The following GRK5 variants were observed in gnomAD, a reference collection of about 807,000 sequenced individuals.
GRK5 encodes the protein g protein-coupled receptor kinase GRK5.
Under a neutral mutation model 78.4 loss-of-function variants are expected in GRK5, and 40 were observed. The observed-to-expected ratio is 0.51, with a 90% CI of 0.40 to 0.66. GRK5 has a LOEUF of 0.66. GRK5 is among the 30% of genes least tolerant of loss of function. The probability of loss-of-function intolerance (pLI) is 0.00; values close to 1 mark genes in which losing one functional copy is unlikely to be tolerated. For synonymous variants in GRK5, 289 were observed against 296.8 expected (o/e 0.97, Z 0.27); for missense variants, 598 against 759.9 (o/e 0.79, Z 2.50).
At chr10:119,434,260 CA>C (rs1564933664) in intron 8 of GRK5, among the ~76,000 whole-genome samples, 1 of 152,192 alleles carries the variant, frequency 6.6e-6, no homozygotes, top group Non-Finnish European at 1.5e-5. Context: ...CCTCACATTT[CA>C]AAACCAATCA....
chr10:119,430,925 C>T lies in GRK5; in HGVS notation c.598-462C>T, dbSNP rs536625934. ...TGGTTAGGTGACCCAGCCAAGGGCG[C>T]GCAGACAATGTGAGGCAGAGCTAAG... On this transcript the variant is annotated intron_variant, in intron 7 of 15. Transcript: ENST00000392870. This position sits in a 1 kb window ranked among gnomAD's most constrained non-coding sequence, Gnocchi z 4.5. 2.0e-4 allele frequency among the ~76,000 whole-genome samples: 31 copies of T among 152,296 alleles called. No individual in the cohort carries two copies. Among genetic ancestry groups the T allele is most frequent in the Non-Finnish European group, 3.1e-4 (21 of 68,016 alleles).
At chr10:119,307,122 C>T (rs1850284572) in intron 1 of GRK5, among the ~76,000 whole-genome samples, 1 of 152,058 alleles carries the variant, frequency 6.6e-6, no homozygotes, top group Non-Finnish European at 1.5e-5. Flanking sequence ...GCTTTACGTG[C>T]ATCAGCTCAT....
intron 1 of GRK5, among the ~76,000 whole-genome samples, chr10:119,272,060 C>A (rs1011497901): frequency 6.6e-6 from 1 of 152,166 alleles, no homozygotes; most frequent in Admixed American, 6.5e-5. Context: ...TAGGCTGACG[C>A]GGCCCTCCTA....
At position 119,453,146 on chromosome 10, in the gene GRK5, T is replaced by C; in HGVS notation, c.1544T>C (p.Met515Thr). Residue 515 changes from methionine to threonine, a missense_variant and splice_region_variant, in exon 15 of 16, where the codon ATG (methionine) becomes ACG (threonine). Transcript: ENST00000392870. ...GSVSIPWQNE[M>T]IETECFKELN... ...GTTTTGTTTTCACGGCCCCTCCAGA[T>C]GATAGAAACAGAATGCTTTAAGGAG... The C allele has an allele frequency of 6.5e-7, 1 of 1,530,570 alleles. No individual in the cohort carries two copies. The highest frequency in any genetic ancestry group is 9.1e-7 in the Non-Finnish European group (1 of 1,103,848). 94.8% of individuals were successfully genotyped at this position (1,530,570 alleles called of 1,614,324 possible).
intron 1 of GRK5, among the ~76,000 whole-genome samples, chr10:119,324,950 G>C (rs1285352721): frequency 6.6e-6 from 1 of 152,248 alleles, no homozygotes; most frequent in Non-Finnish European, 1.5e-5. Context: ...GTGAGGCCTT[G>C]GCCGTCTGTG....
rs995799099 is a variant in GRK5 at position 119,336,752 on chromosome 10, G to A, written c.148+10141G>A. ...GCTGTCCTTGGGGTGATAAGGGCGC[G>A]TCATGTCTGTCGTTCTGCCACCTAG... is the stretch of plus-strand genomic sequence containing the variant. On this transcript the variant is annotated intron_variant, in intron 2 of 15. Coordinates refer to ENST00000392870, the MANE Select transcript of GRK5 (RefSeq NM_005308.3). This position sits in a 1 kb window ranked among gnomAD's most constrained non-coding sequence, Gnocchi z 4.5. Among the ~76,000 whole-genome samples the A allele has an allele frequency of 2.0e-5, 3 of 152,198 alleles. No individual in the cohort carries two copies. The highest frequency in any genetic ancestry group is 6.5e-5 in the Admixed American group (1 of 15,286).
At chr10:119,240,548 C>A (rs1176783274) in intron 1 of GRK5, among the ~76,000 whole-genome samples, 2 of 152,030 alleles carry the variant, frequency 1.3e-5, no homozygotes, top group Non-Finnish European at 2.9e-5. Flanking sequence ...GAGATGGCAT[C>A]TATTGTGTTT....
At chr10:119,279,943 C>T (rs539605412) in intron 1 of GRK5, among the ~76,000 whole-genome samples, 9 of 152,272 alleles carry the variant, frequency 5.9e-5, no homozygotes, top group African/African-American at 1.9e-4. Context: ...ATGCCTACAA[C>T]CTGGCTACAC....
chr10:119,327,502 G>A (rs1850699833), intron 2 of GRK5, among the ~76,000 whole-genome samples: 1 of 152,226 alleles, frequency 6.6e-6, no homozygotes, highest in Non-Finnish European at 1.5e-5. Context: ...TGAAGGCTGG[G>A]CACGGGGTGG....
At position 119,376,418 on chromosome 10, in the gene GRK5, A is replaced by G. The variant is rs291978; in HGVS notation, c.149-4397A>G. Among the ~76,000 whole-genome samples, 372 of 152,330 alleles carry G rather than the reference A, an allele frequency of 2.4e-3. 2 individuals carry two copies. Among genetic ancestry groups the G allele is most frequent in the African/African-American group, 8.6e-3 (356 of 41,578 alleles). ...AAGAAGATACCCTTAACATCAAAGG[A>G]AACTTCTAGTATCAAAAAGCAGGAG... On this transcript the variant is annotated intron_variant, in intron 2 of 15. Transcript: ENST00000392870.
At chr10:119,311,865 G>A (rs1589736892) in intron 1 of GRK5, among the ~76,000 whole-genome samples, 1 of 151,554 alleles carries the variant, frequency 6.6e-6, no homozygotes, top group Non-Finnish European at 1.5e-5. Flanking sequence ...TTAAACGGAG[G>A]TGGTGGAAGC....
chr10:119,281,469 C>T lies in GRK5; in HGVS notation c.53-45047C>T, dbSNP rs981731364. On this transcript the variant is annotated intron_variant, in intron 1 of 15. Transcript: ENST00000392870. The stretch of plus-strand genomic sequence containing the variant: ...CGAGCACCCAGAAGTGGTGATGGCT[C>T]GTTCATTTTGGCCATGTCTGTGCAC... Among the ~76,000 whole-genome samples, 24 of 152,186 alleles carry T rather than the reference C, an allele frequency of 1.6e-4. No individual in the cohort carries two copies. In the East Asian group the frequency reaches 3.5e-3, roughly 22 times the overall value.
intron 1 of GRK5, among the ~76,000 whole-genome samples, chr10:119,262,249 C>T (rs982397563): frequency 4.0e-5 from 6 of 151,400 alleles, no homozygotes; most frequent in African/African-American, 1.5e-4. Context: ...TGACAGCAGC[C>T]TAAGTGTGAG....
intron 1 of GRK5, among the ~76,000 whole-genome samples, chr10:119,324,768 C>T (rs542630679): frequency 6.6e-6 from 1 of 152,248 alleles, no homozygotes; most frequent in Non-Finnish European, 1.5e-5. Flanking sequence ...TGTGTGTGCA[C>T]TTGTGTGTGT....
At chr10:119,407,984 A>G (rs1161444735) in intron 4 of GRK5, among the ~76,000 whole-genome samples, 1 of 152,006 alleles carries the variant, frequency 6.6e-6, no homozygotes, top group Non-Finnish European at 1.5e-5. Flanking sequence ...ACCAACATGG[A>G]GAAACCCCAT....
intron 5 of GRK5, 43 bp downstream of exon 5, chr10:119,423,309 A>ATCTCTGGGCAGCCC: frequency 1.4e-6 from 2 of 1,400,300 alleles, no homozygotes; most frequent in Non-Finnish European, 2.0e-6. Flanking sequence ...CGGGCTGCCC[A>ATCTCTGGGCAGCCC]GAGATGGGAT....
intron 1 of GRK5, among the ~76,000 whole-genome samples, chr10:119,300,757 A>G (rs758852044): frequency 3.3e-5 from 5 of 152,156 alleles, no homozygotes; most frequent in Admixed American, 6.5e-5. Context: ...CTTCCAGACC[A>G]TGGGGTTTGC....
In GRK5 at chr10:119,452,381, T is replaced by A. The variant is rs1853304475; in HGVS notation, c.1405-290T>A. 2.7e-6 allele frequency: 1 copy of A among 370,668 alleles called. No individual in the cohort carries two copies. The highest frequency in any genetic ancestry group is 5.0e-6 in the Non-Finnish European group (1 of 201,226). 23.0% of individuals were successfully genotyped at this position (370,668 alleles called of 1,614,324 possible). ...AGCTCCTGTGTCACCCCAGCCAGGG[T>A]CCCCGTCATGGATCTGAGAGAGGGC... On this transcript the variant is annotated intron_variant, in intron 13 of 15. Transcript: ENST00000392870. The surrounding 1 kb of genome is among the most constrained non-coding windows in gnomAD (Gnocchi z 4.4).
In GRK5 at chr10:119,238,232, G is replaced by A. The variant is rs1479102221; in HGVS notation, c.52+30263G>A. Among the ~76,000 whole-genome samples the A allele has an allele frequency of 2.6e-5, 4 of 152,164 alleles. No individual in the cohort carries two copies. The highest frequency in any genetic ancestry group is 9.7e-5 in the African/African-American group (4 of 41,446). Reference sequence around the variant, plus strand: ...TCTGCTGTGCTGGTGACAGCCGGGAGGGTCAGACTTTATCAGTTTCCTGGG... The same window carrying A: ...TCTGCTGTGCTGGTGACAGCCGGGAAGGTCAGACTTTATCAGTTTCCTGGG... On this transcript the variant is annotated intron_variant, in intron 1 of 15. Coordinates refer to ENST00000392870, the MANE Select transcript of GRK5 (RefSeq NM_005308.3). This position sits in a 1 kb window ranked among gnomAD's most constrained non-coding sequence, Gnocchi z 4.7.
Sources: gnomAD v4.1 joint callset for allele counts (sites outside exome capture counted in the v4.1 genomes callset) on GRCh38, gnomAD v4.1.1 for gene constraint, Gnocchi (gnomAD v3.1) non-coding constraint, MANE v1.5 for transcripts, NCBI Gene and HGNC (gene_info 2026-07-23, HGNC 2026-07-21) for gene names.